The following C5orf63 variants were observed in gnomAD, a reference collection of about 807,000 sequenced individuals.
The protein encoded by C5orf63 is chromosome 5 open reading frame 63.
A neutral mutation model predicts 13.3 loss-of-function variants in C5orf63; 18 were observed. That is an observed-to-expected ratio of 1.36 (90% confidence interval 0.94 to 2.01). The LOEUF is 2.01. Ranked by LOEUF, C5orf63 falls within the 30% of genes most tolerant of loss-of-function variation. C5orf63 has a pLI of 0.00. For missense variants in C5orf63, 118 were observed against 127.7 expected (o/e 0.92, Z 0.36); for synonymous variants, 38 against 44.7 (o/e 0.85, Z 0.60).
At chr5:127,053,399 TTTG>T (rs1321903403) in intron 3 of C5orf63, among the ~76,000 whole-genome samples, 4 of 151,740 alleles carry the variant, frequency 2.6e-5, no homozygotes, top group African/African-American at 4.8e-5. Flanking sequence ...TCTCCTATAT[TTTG>T]TTATTATACT....
chr5:127,063,518 G>A (rs531851670), intron 2 of C5orf63, among the ~76,000 whole-genome samples: 11 of 152,220 alleles, frequency 7.2e-5, no homozygotes, highest in African/African-American at 2.6e-4. Flanking sequence ...GCCCTTCACC[G>A]ACCAGAATTT....
chr5:127,056,884 A>T (rs1175464245), intron 3 of C5orf63, among the ~76,000 whole-genome samples: 1 of 152,240 alleles, frequency 6.6e-6, no homozygotes, highest in Non-Finnish European at 1.5e-5. Context: ...TCACTGGATT[A>T]TAAGCTGCCA....
intron 2 of C5orf63, among the ~76,000 whole-genome samples, chr5:127,065,890 G>A (rs1014066631): frequency 3.3e-5 from 5 of 152,156 alleles, no homozygotes; most frequent in Non-Finnish European, 7.3e-5. Flanking sequence ...GGGGTATGGT[G>A]ATGAACAAGA....
At chr5:127,054,033 GAGA>G (rs1423918588) in intron 3 of C5orf63, among the ~76,000 whole-genome samples, 1 of 152,128 alleles carries the variant, frequency 6.6e-6, no homozygotes, top group African/African-American at 2.4e-5. Context: ...AAAATTTTCA[GAGA>G]AGGTTTCAAA....
chr5:127,053,829 A>T (rs1222360643), intron 3 of C5orf63, among the ~76,000 whole-genome samples: 1 of 152,176 alleles, frequency 6.6e-6, no homozygotes. Flanking sequence ...AATCCAGTCT[A>T]TCACTGATGG....
In C5orf63 at chr5:127,051,582, A is replaced by T; in HGVS notation, c.*189T>A. The T allele has an allele frequency of 8.0e-7, 1 of 1,249,604 alleles. No homozygotes were observed. The highest frequency in any genetic ancestry group is 3.1e-5 in the East Asian group (1 of 32,480). 77.4% of individuals were successfully genotyped at this position (1,249,604 alleles called of 1,614,324 possible). ...TGCTCTTCTTATTTTATAAAATGCCATTAAGCAAACAGTTCCCACACTGAT... is the reference window on the plus strand; with the variant it reads ...TGCTCTTCTTATTTTATAAAATGCCTTTAAGCAAACAGTTCCCACACTGAT... On this transcript the variant is annotated 3_prime_UTR_variant, in exon 5 of 5. Transcript: ENST00000296662.
At chr5:127,045,034 T>G (rs1753492423), downstream of C5orf63, 1 of 152,290 alleles carries the variant, frequency 6.6e-6, no homozygotes, top group South Asian at 2.1e-4. Context: ...TCAAATGAGA[T>G]ATATAAAAAC....
At chr5:127,057,225 A>G (rs984977657) in intron 3 of C5orf63, among the ~76,000 whole-genome samples, 2 of 152,194 alleles carry the variant, frequency 1.3e-5, no homozygotes, top group Non-Finnish European at 2.9e-5. Context: ...AAATATTTTC[A>G]TCAATAAATT....
chr5:127,061,790 T>C (rs999521172), intron 2 of C5orf63, among the ~76,000 whole-genome samples: 1 of 152,218 alleles, frequency 6.6e-6, no homozygotes, highest in Non-Finnish European at 1.5e-5. Context: ...AAAGTCTCTA[T>C]GCTAATGGTG....
At chr5:127,051,186 T>C, downstream of C5orf63, 1 of 588,410 alleles carries the variant, frequency 1.7e-6, no homozygotes, top group South Asian at 9.1e-5. Context: ...GTTTTTCTTT[T>C]GTTTTTCTCA....
At chr5:127,066,214 G>C (rs1754325661) in intron 2 of C5orf63, among the ~76,000 whole-genome samples, 1 of 152,124 alleles carries the variant, frequency 6.6e-6, no homozygotes, top group Admixed American at 6.5e-5. Context: ...ACAGTAAGCA[G>C]GCATCAGATC....
downstream of C5orf63, chr5:127,042,732 C>T (rs1295279420): frequency 6.6e-6 from 1 of 152,068 alleles, no homozygotes; most frequent in Non-Finnish European, 1.5e-5. Context: ...ATAAGGATCT[C>T]AAATCCATGA....
chr5:127,059,720 T>G (rs1754024070), intron 2 of C5orf63, among the ~76,000 whole-genome samples: 1 of 140,680 alleles, frequency 7.1e-6, no homozygotes. Context: ...GGACATGAGA[T>G]CTTATCTCAA....
At chr5:127,058,073 C>T (rs1201195077) in intron 3 of C5orf63, among the ~76,000 whole-genome samples, 1 of 151,802 alleles carries the variant, frequency 6.6e-6, no homozygotes, top group Non-Finnish European at 1.5e-5. Context: ...ATTTTAGGTT[C>T]GGGGGTACAT....
chr5:127,063,775 T>G (rs1387730399), intron 2 of C5orf63, among the ~76,000 whole-genome samples: 3 of 152,304 alleles, frequency 2.0e-5, no homozygotes, highest in South Asian at 2.1e-4. Flanking sequence ...TAAAGAAGAC[T>G]CAGGGCTTCT....
chr5:127,051,332 G>T lies in C5orf63; in HGVS notation c.*439C>A. The T allele has an allele frequency of 1.6e-6, 2 of 1,230,718 alleles. No individual in the cohort carries two copies. The highest frequency in any genetic ancestry group is 2.0e-6 in the Non-Finnish European group (2 of 987,306). The allele number at this position is 1,230,718 out of a possible 1,614,324, so 76.2% of individuals were successfully genotyped here. ...TCCTTAAAACATCGCTTTATTGACCGTGCACAGTTATTAACAATTCACATT... is the reference window on the plus strand; with the variant it reads ...TCCTTAAAACATCGCTTTATTGACCTTGCACAGTTATTAACAATTCACATT... On this transcript the variant is annotated 3_prime_UTR_variant, in exon 5 of 5. Transcript: ENST00000296662.
intron 3 of C5orf63, among the ~76,000 whole-genome samples, chr5:127,055,979 A>G (rs532428513): frequency 6.6e-6 from 1 of 152,336 alleles, no homozygotes; most frequent in South Asian, 2.1e-4. Context: ...GGACCATTCA[A>G]ATATCCTTCT....
intron 1 of C5orf63, 143 bp from the exon 2 acceptor site, chr5:127,071,828 G>C (rs918142928): frequency 6.6e-6 from 1 of 152,154 alleles, no homozygotes; most frequent in Admixed American, 6.5e-5. Flanking sequence ...CAGCCAGCTA[G>C]AGTATATACA....
At chr5:127,062,426 C>T (rs1754142666) in intron 2 of C5orf63, among the ~76,000 whole-genome samples, 2 of 152,138 alleles carry the variant, frequency 1.3e-5, no homozygotes, top group Non-Finnish European at 2.9e-5. Context: ...AAGGTATATG[C>T]ATTTTGTTAA....
Sources: allele counts gnomAD v4.1 joint callset (sites outside exome capture counted in the v4.1 genomes callset), GRCh38; gene constraint gnomAD v4.1.1; transcripts MANE v1.5; gene names NCBI Gene and HGNC (gene_info 2026-07-23, HGNC 2026-07-21).